The following SLC4A8 variants were observed in gnomAD, a reference collection of about 807,000 sequenced individuals.
The protein encoded by SLC4A8 is solute carrier family 4 member 8, also known as electroneutral sodium bicarbonate exchanger 1.
In SLC4A8, 40 loss-of-function variants were observed where a neutral mutation model predicts 125.0. The observed-to-expected ratio is 0.32, with a 90% CI of 0.25 to 0.42. SLC4A8 has a LOEUF of 0.42. SLC4A8 is among the 10% of genes least tolerant of loss of function. SLC4A8 has a pLI of 1.00. For missense variants in SLC4A8, 863 were observed against 1,355.1 expected, an observed-to-expected ratio of 0.64 and a Z score of 5.70; for synonymous variants, 456 against 476.0, an observed-to-expected ratio of 0.96 and a Z score of 0.55.
At chr12:51,464,722 T>C (rs1314630197) in intron 11 of SLC4A8, among the ~76,000 whole-genome samples, 1 of 152,248 alleles carries the variant, frequency 6.6e-6, no homozygotes, top group Non-Finnish European at 1.5e-5. Flanking sequence ...TCTTCTTTTC[T>C]GCCTCCTTGC....
chr12:51,453,441 C>A, intron 4 of SLC4A8, 98 bp from the exon 5 acceptor site: 1 of 1,233,872 alleles, frequency 8.1e-7, no homozygotes, highest in African/African-American at 1.5e-5. Context: ...TTCAGTATGA[C>A]TATCCAGATA....
chr12:51,422,782 A>C (rs1948820442), upstream of SLC4A8, among the ~76,000 whole-genome samples: 1 of 152,200 alleles, frequency 6.6e-6, no homozygotes, highest in African/African-American at 2.4e-5. Flanking sequence ...TCTTTGCCTA[A>C]GACTTGAGAT....
chr12:51,432,491 G>A (rs768509422), intron 1 of SLC4A8, among the ~76,000 whole-genome samples: 4 of 151,130 alleles, frequency 2.6e-5, no homozygotes, highest in Admixed American at 2.6e-4. Flanking sequence ...TTGGGAGGCC[G>A]AGGTGGGTGG....
At chr12:51,448,154 G>A (rs1949842384) in intron 2 of SLC4A8, among the ~76,000 whole-genome samples, 1 of 152,194 alleles carries the variant, frequency 6.6e-6, no homozygotes, top group Non-Finnish European at 1.5e-5. Context: ...TGAGCATGAA[G>A]GTCCTGAATT....
chr12:51,502,629 C>T (rs1419013750), intron 22 of SLC4A8, among the ~76,000 whole-genome samples: 2 of 151,438 alleles, frequency 1.3e-5, no homozygotes, highest in Admixed American at 6.6e-5. Context: ...ATCAGACATG[C>T]AAATCAGAAC....
intron 5 of SLC4A8, 146 bp downstream of exon 5, chr12:51,453,845 G>T: frequency 3.3e-6 from 2 of 610,486 alleles, no homozygotes; most frequent in Admixed American, 2.9e-5. Context: ...GTCCTTGGCT[G>T]TGGGAAGGGT....
At chr12:51,452,026 G>T in intron 3 of SLC4A8, 98 bp from the exon 4 acceptor site, 1 of 1,131,728 alleles carries the variant, frequency 8.8e-7, no homozygotes, top group Non-Finnish European at 1.3e-6. Context: ...ATTCGTGGTT[G>T]TCTATATATA....
At chr12:51,439,537 G>A (rs1196801350) in intron 1 of SLC4A8, among the ~76,000 whole-genome samples, 1 of 151,922 alleles carries the variant, frequency 6.6e-6, no homozygotes, top group Non-Finnish European at 1.5e-5. Context: ...GGTGGTGGGA[G>A]TGGCAGGGAG....
At chr12:51,483,142 C>G (rs1173755799) in intron 16 of SLC4A8, among the ~76,000 whole-genome samples, 2 of 152,114 alleles carry the variant, frequency 1.3e-5, no homozygotes, top group Admixed American at 1.3e-4. Context: ...TTCTCTCGGC[C>G]TTGGTGGAGG....
rs576190511 is a variant in SLC4A8 at position 51,425,153 on chromosome 12, G to A, written c.48+118G>A. 2.5e-5 allele frequency: 36 copies of A among 1,450,808 alleles called. No homozygotes were observed. The African/African-American group carries it at 4.9e-4, about 20-fold the overall frequency. 89.9% of individuals were successfully genotyped at this position (1,450,808 alleles called of 1,614,324 possible). A position where few individuals can be genotyped will look rare whatever the true frequency, so the allele number is the denominator to read the frequency against. ...GCTTCCCAGGCCGCTCCCTGAGGGC[G>A]AGGGGAGGCCAGCCCGGGACACCAG... On this transcript the variant is annotated intron_variant, in intron 1 of 24. Transcript: ENST00000453097.
At chr12:51,447,714 CTTTTTTTT>C (rs1239053396) in intron 2 of SLC4A8, among the ~76,000 whole-genome samples, 1 of 125,712 alleles carries the variant, frequency 8.0e-6, no homozygotes, top group Non-Finnish European at 1.7e-5. Context: ...GGGATTTCCA[CTTTTTTTT>C]TTTTTTTTTT....
intron 1 of SLC4A8, among the ~76,000 whole-genome samples, chr12:51,433,836 A>G (rs943913208): frequency 6.7e-6 from 1 of 149,802 alleles, no homozygotes; most frequent in East Asian, 2.0e-4. Flanking sequence ...GGCGTCAACA[A>G]TGAACACACC....
chr12:51,453,742 T>A, intron 5 of SLC4A8, 43 bp downstream of exon 5: 1 of 1,576,708 alleles, frequency 6.3e-7, no homozygotes, highest in Non-Finnish European at 8.7e-7. Context: ...TCTTATAAAT[T>A]TAAGAAGTGT....
intron 24 of SLC4A8, among the ~76,000 whole-genome samples, chr12:51,506,138 C>T (rs953808191): frequency 1.3e-5 from 2 of 152,124 alleles, no homozygotes; most frequent in Non-Finnish European, 2.9e-5. Flanking sequence ...TTAAGCAGCC[C>T]GTTTACACAG....
At chr12:51,403,092 T>A in intron 1 of SLC4A8, 1 of 360,728 alleles carries the variant, frequency 2.8e-6, no homozygotes, top group Non-Finnish European at 5.9e-6. Flanking sequence ...ATAGAGTCTG[T>A]TGTGAAATTT....
rs904857468 is a variant in SLC4A8, at chr12:51,507,538, G to A, written c.*100G>A. ...TCTCTCAGAGAAGAAGCAAGACCAA[G>A]TCTGGCCCTGTCCTTGGTCATCTCA... On this transcript the variant is annotated 3_prime_UTR_variant, in exon 25 of 25. Transcript: ENST00000453097. The A allele has an allele frequency of 1.2e-6, 1 of 805,170 alleles. No individual in the cohort carries two copies. The highest frequency in any genetic ancestry group is 1.8e-6 in the Non-Finnish European group (1 of 553,352). 49.9% of individuals were successfully genotyped at this position (805,170 alleles called of 1,614,324 possible). A position where few individuals can be genotyped will look rare whatever the true frequency, so the allele number is the denominator to read the frequency against.
chr12:51,447,552 A>G (rs778961068), intron 2 of SLC4A8, among the ~76,000 whole-genome samples: 1 of 152,134 alleles, frequency 6.6e-6, no homozygotes, highest in African/African-American at 2.4e-5. Flanking sequence ...TGATTCTGGT[A>G]GAGAAAAGAG....
At chr12:51,414,448 G>A (rs980504296) in intron 1 of SLC4A8, among the ~76,000 whole-genome samples, 1 of 152,152 alleles carries the variant, frequency 6.6e-6, no homozygotes, top group Non-Finnish European at 1.5e-5. Context: ...AGGACGTACA[G>A]TATTATTTTG....
chr12:51,460,196 A>G, intron 8 of SLC4A8, 88 bp downstream of exon 8: 1 of 1,064,260 alleles, frequency 9.4e-7, no homozygotes. Flanking sequence ...ACTGAAATTT[A>G]GAATTAATTA....
Sources: allele counts gnomAD v4.1 joint callset (sites outside exome capture counted in the v4.1 genomes callset), GRCh38; gene constraint gnomAD v4.1.1; transcripts MANE v1.5; gene names NCBI Gene and HGNC (gene_info 2026-07-23, HGNC 2026-07-21).